The following KLKB1 variants were observed in gnomAD, a reference collection of about 807,000 sequenced individuals.
KLKB1 encodes plasma kallikrein.
KLKB1 carries 58 observed loss-of-function variants against 73.6 expected under a neutral mutation model. The ratio of observed to expected loss-of-function variants is 0.79; its 90% confidence interval spans 0.64 to 0.98. The LOEUF (loss-of-function observed/expected upper bound fraction) is 0.98, where lower values mean the gene tolerates loss of function less well. Among genes scored for constraint, KLKB1 ranks in the 50% least tolerant of loss-of-function variants. The probability of loss-of-function intolerance (pLI) is 0.00; values close to 1 mark genes in which losing one functional copy is unlikely to be tolerated. For synonymous variants in KLKB1, 280 were observed against 258.1 expected, an observed-to-expected ratio of 1.08 and a Z score of -0.81; for missense variants, 737 against 763.8, an observed-to-expected ratio of 0.96 and a Z score of 0.41.
chr4:186,236,107 CCGTCTCA>C, intron 4 of KLKB1, among the ~76,000 whole-genome samples: 1 of 96,482 alleles, frequency 1.0e-5, no homozygotes, highest in African/African-American at 4.7e-5. Context: ...GAGCGAGACT[CCGTCTCA>C]AAAAAAAAAA....
intron 5 of KLKB1, among the ~76,000 whole-genome samples, 154 bp downstream of exon 5, chr4:186,237,094 TTTTA>T (rs570758109): frequency 6.6e-6 from 1 of 152,000 alleles, no homozygotes; most frequent in African/African-American, 2.4e-5. Flanking sequence ...TTTTTTTATC[TTTTA>T]TTTATTTATT....
At chr4:186,230,782 G>C (rs570671722) in intron 2 of KLKB1, among the ~76,000 whole-genome samples, 1 of 152,286 alleles carries the variant, frequency 6.6e-6, no homozygotes, top group East Asian at 1.9e-4. Flanking sequence ...TGGGAACTGG[G>C]GGCTGGAAGA....
At position 186,216,979 on chromosome 4, in the gene KLKB1, T is replaced by C. The variant is rs149051012; in HGVS notation, c.201+7707T>C. Among the ~76,000 whole-genome samples the C allele has an allele frequency of 1.1e-3, 165 of 152,374 alleles. 1 individual carries two copies. Among genetic ancestry groups the C allele is most frequent in the African/African-American group, 3.8e-3 (156 of 41,598 alleles). ...TTGCTTTTCTCATGTAACATAATCA[T>C]GGGCAGATGTGATATCTCGTTTTAT... On this transcript the variant is annotated intron_variant, in intron 2 of 14. Transcript: ENST00000511608.
At chr4:186,235,086 C>G (rs1246550955) in intron 4 of KLKB1, among the ~76,000 whole-genome samples, 1 of 152,170 alleles carries the variant, frequency 6.6e-6, no homozygotes, top group Admixed American at 6.5e-5. Flanking sequence ...CAAAGGATGG[C>G]AATGCCTTCA....
chr4:186,236,061 T>A (rs1373476486), intron 4 of KLKB1, among the ~76,000 whole-genome samples: 2 of 141,402 alleles, frequency 1.4e-5, no homozygotes, highest in Non-Finnish European at 3.0e-5. Flanking sequence ...TTGCAGTGAG[T>A]CGAGATCGCG....
chr4:186,252,537 A>G (rs4253305), intron 11 of KLKB1, among the ~76,000 whole-genome samples: 47,788 of 134,414 alleles, frequency 0.36, 9,299 homozygotes, highest in Non-Finnish European at 0.4. Context: ...CACCAATCCT[A>G]CCACCCACCA....
chr4:186,212,052 A>G (rs1736741226), intron 2 of KLKB1: 1 of 152,124 alleles, frequency 6.6e-6, no homozygotes, highest in African/African-American at 2.4e-5. Flanking sequence ...ATGCTCCTTT[A>G]TATTATAAGT....
intron 6 of KLKB1, among the ~76,000 whole-genome samples, chr4:186,242,421 G>A (rs984008165): frequency 1.3e-5 from 2 of 152,110 alleles, no homozygotes; most frequent in Non-Finnish European, 1.5e-5. Flanking sequence ...GATAATGGGC[G>A]ATGTTTCTCA....
chr4:186,214,970 C>T (rs1425641808), intron 2 of KLKB1, among the ~76,000 whole-genome samples: 1 of 152,128 alleles, frequency 6.6e-6, no homozygotes, highest in African/African-American at 2.4e-5. Flanking sequence ...CACTTTCTTT[C>T]TGTTGTGGTT....
chr4:186,234,182 G>A (rs775597915), intron 4 of KLKB1, 124 bp downstream of exon 4: 7 of 742,076 alleles, frequency 9.4e-6, no homozygotes, highest in Admixed American at 7.8e-5. Flanking sequence ...AGGAGATGGG[G>A]CAGTATTCTG....
At chr4:186,244,374 C>T (rs541288382) in intron 6 of KLKB1, among the ~76,000 whole-genome samples, 8 of 152,264 alleles carry the variant, frequency 5.3e-5, no homozygotes, top group Non-Finnish European at 8.8e-5. Context: ...CAGACACAAT[C>T]AGCAGGGAGA....
chr4:186,258,423 A>T lies in KLKB1; in HGVS notation c.*211A>T. The T allele has an allele frequency of 1.6e-6, 1 of 623,478 alleles. No individual in the cohort carries two copies. The highest frequency in any genetic ancestry group is 2.9e-6 in the Non-Finnish European group (1 of 345,688). The allele number at this position is 623,478 out of a possible 1,614,324, so 38.6% of individuals were successfully genotyped here. A position where few individuals can be genotyped will look rare whatever the true frequency, so the allele number is the denominator to read the frequency against. ...CAGGGGCTGACAATGCGAGGTCGCA[A>T]CTGAGATCTCCATGACTGTGTGTTG... On this transcript the variant is annotated 3_prime_UTR_variant, in exon 15 of 15. Coordinates refer to ENST00000264690, the MANE Select transcript of KLKB1 (RefSeq NM_000892.5).
rs1439966808 is a variant in KLKB1 at position 186,238,327 on chromosome 4, C to G, written c.560C>G (p.Ser187Cys). Residue 187 changes from serine to cysteine, a missense_variant, in exon 6 of 15, where the codon TCT becomes TGT. Ser to Cys is a moderately radical substitution (Grantham distance 112). Coordinates refer to ENST00000264690, the MANE Select transcript of KLKB1 (RefSeq NM_000892.5). ...ATAAAGGTGCTGAGTAACGTGGAATCTGGATTCTCACTGAAGCCCTGTGCC... is the reference window on the plus strand; with the variant it reads ...ATAAAGGTGCTGAGTAACGTGGAATGTGGATTCTCACTGAAGCCCTGTGCC... The part of the protein sequence containing the change: ...TAIKVLSNVE[S>C]GFSLKPCALS... 1.2e-6 allele frequency: 2 copies of G among 1,613,744 alleles called. No individual in the cohort carries two copies. Among genetic ancestry groups the G allele is most frequent in the African/African-American group, 2.7e-5 (2 of 74,912 alleles).
intron 2 of KLKB1, among the ~76,000 whole-genome samples, chr4:186,216,389 G>A (rs2126610615): frequency 6.6e-6 from 1 of 152,318 alleles, no homozygotes; most frequent in East Asian, 1.9e-4. Flanking sequence ...AATGGACAAG[G>A]AGGTAACAGA....
chr4:186,221,286 C>T (rs1427461378), intron 2 of KLKB1, among the ~76,000 whole-genome samples: 3 of 150,730 alleles, frequency 2.0e-5, no homozygotes, highest in African/African-American at 7.3e-5. Context: ...GTCTCTATTT[C>T]ATTTATCTCT....
chr4:186,222,176 A>G (rs960196075), upstream of KLKB1, among the ~76,000 whole-genome samples: 27 of 152,192 alleles, frequency 1.8e-4, no homozygotes, highest in Admixed American at 1.7e-3. Flanking sequence ...AGTCTCTTAC[A>G]GGCAGCATAT....
chr4:186,222,642 T>A (rs1345337357), upstream of KLKB1, among the ~76,000 whole-genome samples: 1 of 152,260 alleles, frequency 6.6e-6, no homozygotes, highest in Non-Finnish European at 1.5e-5. Context: ...TATTTGTTAA[T>A]ACTTTTGTTT....
At chr4:186,239,831 TGTTATA>T (rs1313656560) in intron 6 of KLKB1, among the ~76,000 whole-genome samples, 10 of 151,062 alleles carry the variant, frequency 6.6e-5, no homozygotes, top group South Asian at 2.1e-4. Flanking sequence ...ACAGTGATAC[TGTTATA>T]GTTATAGGAC....
At chr4:186,241,079 T>A (rs1442875562) in intron 6 of KLKB1, among the ~76,000 whole-genome samples, 1 of 152,118 alleles carries the variant, frequency 6.6e-6, no homozygotes, top group Non-Finnish European at 1.5e-5. Context: ...AATATGGCTG[T>A]TTCAGGTGGT....
Sources: allele counts gnomAD v4.1 joint callset (sites outside exome capture counted in the v4.1 genomes callset), GRCh38; gene constraint gnomAD v4.1.1; transcripts MANE v1.5; gene names NCBI Gene and HGNC (gene_info 2026-07-23, HGNC 2026-07-21).